SLC35F1: variants seen among roughly 807,000 people sequenced by gnomAD.
SLC35F1 encodes solute carrier family 35 member F1.
A neutral mutation model predicts 48.7 loss-of-function variants in SLC35F1; 14 were observed. That is an observed-to-expected ratio of 0.29 (90% CI 0.19 to 0.45). The LOEUF is 0.45. Among genes scored for constraint, SLC35F1 ranks in the 20% least tolerant of loss-of-function variants. SLC35F1 has a pLI of 1.00. For synonymous variants in SLC35F1, 190 were observed against 202.2 expected, an observed-to-expected ratio of 0.94 and a Z score of 0.51; for missense variants, 404 against 500.0, an observed-to-expected ratio of 0.81 and a Z score of 1.83.
intron 1 of SLC35F1, among the ~76,000 whole-genome samples, chr6:118,011,591 C>T (rs1777247475): frequency 6.6e-6 from 1 of 152,114 alleles, no homozygotes; most frequent in Non-Finnish European, 1.5e-5. Flanking sequence ...ATTGCGGAAC[C>T]AAGATTTCTC....
At chr6:118,135,246 T>C (rs751658161) in intron 1 of SLC35F1, among the ~76,000 whole-genome samples, 6 of 152,250 alleles carry the variant, frequency 3.9e-5, no homozygotes, top group Non-Finnish European at 8.8e-5. Context: ...TTGCCTCTTA[T>C]TTGTTAACAT....
intron 1 of SLC35F1, among the ~76,000 whole-genome samples, chr6:118,113,241 C>G (rs1479008662): frequency 6.6e-6 from 1 of 152,116 alleles, no homozygotes; most frequent in Non-Finnish European, 1.5e-5. Context: ...TGTGTGCCAC[C>G]ACACTGGGCT....
intron 1 of SLC35F1, among the ~76,000 whole-genome samples, chr6:117,925,824 A>G (rs1776020107): frequency 6.6e-6 from 1 of 152,136 alleles, no homozygotes; most frequent in South Asian, 2.1e-4. Context: ...CTGTATATCC[A>G]TACCAGTCTG....
chr6:118,237,422 T>C (rs1775380193), intron 3 of SLC35F1, among the ~76,000 whole-genome samples: 1 of 152,094 alleles, frequency 6.6e-6, no homozygotes, highest in African/African-American at 2.4e-5. Flanking sequence ...TTTGTCTCAC[T>C]TTGTTACCCA....
intron 3 of SLC35F1, among the ~76,000 whole-genome samples, chr6:118,248,895 C>G (rs1224216082): frequency 6.6e-6 from 1 of 152,088 alleles, no homozygotes; most frequent in Non-Finnish European, 1.5e-5. Flanking sequence ...GGAGGTGGAG[C>G]CTTTGGGAGG....
At chr6:117,945,854 C>G (rs1289785838) in intron 1 of SLC35F1, among the ~76,000 whole-genome samples, 1 of 151,984 alleles carries the variant, frequency 6.6e-6, no homozygotes, top group Non-Finnish European at 1.5e-5. Context: ...ATTATGGTCC[C>G]CCAGAGTGAA....
At chr6:118,173,731 T>A (rs1008858852) in intron 2 of SLC35F1, among the ~76,000 whole-genome samples, 1 of 152,102 alleles carries the variant, frequency 6.6e-6, no homozygotes, top group African/African-American at 2.4e-5. Flanking sequence ...ACTGGAGAAC[T>A]GAGAGAAATC....
At chr6:117,972,798 TG>T (rs1776660000) in intron 1 of SLC35F1, among the ~76,000 whole-genome samples, 1 of 152,148 alleles carries the variant, frequency 6.6e-6, no homozygotes, top group South Asian at 2.1e-4. Flanking sequence ...AGATGAAGTT[TG>T]GGTGGGGACA....
At chr6:118,168,464 T>C (rs1433293122) in intron 2 of SLC35F1, among the ~76,000 whole-genome samples, 2 of 152,154 alleles carry the variant, frequency 1.3e-5, no homozygotes, top group Admixed American at 6.5e-5. Flanking sequence ...AGAACAATTA[T>C]AACAATATAC....
At chr6:118,078,966 G>A (rs1189703978) in intron 1 of SLC35F1, among the ~76,000 whole-genome samples, 4 of 152,102 alleles carry the variant, frequency 2.6e-5, no homozygotes, top group South Asian at 2.1e-4. Flanking sequence ...TTTAGATACC[G>A]TGTAGCCTGC....
At chr6:118,126,875 T>A (rs1773634028) in intron 1 of SLC35F1, among the ~76,000 whole-genome samples, 1 of 151,900 alleles carries the variant, frequency 6.6e-6, no homozygotes, top group Admixed American at 6.6e-5. Context: ...CTTAAGGAGA[T>A]TTTGGGCTGA....
intron 1 of SLC35F1, among the ~76,000 whole-genome samples, chr6:118,012,938 A>G (rs1235854643): frequency 6.6e-6 from 1 of 151,772 alleles, no homozygotes; most frequent in Admixed American, 6.6e-5. Flanking sequence ...TTTTTGAGCA[A>G]TTTGTTCATG....
At chr6:118,125,731 T>C (rs1773614983) in intron 1 of SLC35F1, among the ~76,000 whole-genome samples, 1 of 152,190 alleles carries the variant, frequency 6.6e-6, no homozygotes, top group Non-Finnish European at 1.5e-5. Context: ...AGTTTGCCAA[T>C]GCACCAGAGA....
intron 3 of SLC35F1, among the ~76,000 whole-genome samples, chr6:118,240,950 A>G (rs1258039003): frequency 6.6e-6 from 1 of 152,216 alleles, no homozygotes; most frequent in Non-Finnish European, 1.5e-5. Flanking sequence ...TCTTTAGGCT[A>G]GTACCACCAG....
chr6:117,983,440 G>T (rs1351407248), intron 1 of SLC35F1, among the ~76,000 whole-genome samples: 3 of 152,146 alleles, frequency 2.0e-5, no homozygotes, highest in Non-Finnish European at 4.4e-5. Context: ...AGTCGGGTGT[G>T]GTGGCAGTTG....
chr6:118,308,975 C>T (rs1415649095), intron 7 of SLC35F1, among the ~76,000 whole-genome samples: 1 of 152,134 alleles, frequency 6.6e-6, no homozygotes, highest in African/African-American at 2.4e-5. Flanking sequence ...TTTGCTTCCT[C>T]CACTCATCAT....
chr6:117,958,381 A>T (rs1453768121), intron 1 of SLC35F1, among the ~76,000 whole-genome samples: 1 of 152,204 alleles, frequency 6.6e-6, no homozygotes, highest in Non-Finnish European at 1.5e-5. Flanking sequence ...AATCACGCTT[A>T]TGGTCTACAG....
chr6:118,245,474 G>A (rs1775495496), intron 3 of SLC35F1, among the ~76,000 whole-genome samples: 1 of 152,202 alleles, frequency 6.6e-6, no homozygotes, highest in Non-Finnish European at 1.5e-5. Flanking sequence ...TGCACCTGCT[G>A]TGCTGGACAC....
intron 4 of SLC35F1, among the ~76,000 whole-genome samples, chr6:118,275,140 T>G (rs1775905082): frequency 6.6e-6 from 1 of 152,126 alleles, no homozygotes; most frequent in African/African-American, 2.4e-5. Context: ...TCGTGCCACT[T>G]CATATTTGTA....
Sources: allele counts gnomAD v4.1 joint callset (sites outside exome capture counted in the v4.1 genomes callset), GRCh38; gene constraint gnomAD v4.1.1; transcripts MANE v1.5; gene names NCBI Gene and HGNC (gene_info 2026-07-23, HGNC 2026-07-21).